The following ZNF385B variants were observed in gnomAD, a reference collection of about 807,000 sequenced individuals.
ZNF385B encodes zinc finger protein 385B.
Under a neutral mutation model 39.2 loss-of-function variants are expected in ZNF385B, and 23 were observed. The observed-to-expected ratio is 0.59, with a 90% CI of 0.42 to 0.83. ZNF385B has a LOEUF of 0.83. Ranked by LOEUF, ZNF385B falls within the 40% of genes least tolerant of loss-of-function variation. The pLI, the probability that ZNF385B is intolerant of heterozygous loss-of-function variation, is 0.00. For missense variants in ZNF385B, 552 were observed against 598.9 expected (o/e 0.92, Z 0.82); for synonymous variants, 205 against 222.6 (o/e 0.92, Z 0.70).
intron 3 of ZNF385B, among the ~76,000 whole-genome samples, chr2:179,572,644 G>A (rs1685356875): frequency 1.3e-5 from 2 of 152,178 alleles, no homozygotes; most frequent in South Asian, 4.1e-4. Context: ...AGCTTGGGTA[G>A]ATGGAAGGGC....
intron 6 of ZNF385B, among the ~76,000 whole-genome samples, chr2:179,460,039 G>T (rs1462168235): frequency 6.6e-6 from 1 of 152,060 alleles, no homozygotes; most frequent in Non-Finnish European, 1.5e-5. Context: ...GGGAGGCAGA[G>T]GTTGCGGTGA....
At position 179,823,162 on chromosome 2, in the gene ZNF385B, AG is replaced by A. The variant is rs770567298; in HGVS notation, c.-155+37938del. 3.9e-5 allele frequency among the ~76,000 whole-genome samples: 6 copies of A among 152,290 alleles called. No individual in the cohort carries two copies. The South Asian group carries it at 6.2e-4, about 16-fold the overall frequency. Reference sequence around the variant, plus strand: ...TTCCATGAGTGAGATAAAGCAGTTGAGGTGATAAAAAGTGAGACCTACTCTT... The same window carrying A: ...TTCCATGAGTGAGATAAAGCAGTTGAGTGATAAAAAGTGAGACCTACTCTT... On this transcript the variant is annotated intron_variant, in intron 1 of 9. Coordinates refer to ENST00000410066, the MANE Select transcript of ZNF385B (RefSeq NM_152520.6).
Position 179,618,033 on chromosome 2 carries a change from G to C in ZNF385B, c.299-73064C>G, listed in dbSNP as rs77363639. 7.3e-3 allele frequency among the ~76,000 whole-genome samples: 1,117 copies of C among 152,162 alleles called. 10 individuals are homozygous for C. The highest frequency in any genetic ancestry group is 0.026 in the African/African-American group (1,073 of 41,520). On this transcript the variant is annotated intron_variant, in intron 3 of 9. Coordinates refer to ENST00000410066, the MANE Select transcript of ZNF385B (RefSeq NM_152520.6). Reference sequence around the variant, plus strand: ...CTCATGTCTGCCAATTGTAGCCTGAGAAAGAGGGAACAAAAGAAACATGTG... The same window carrying C: ...CTCATGTCTGCCAATTGTAGCCTGACAAAGAGGGAACAAAAGAAACATGTG...
At chr2:179,676,568 T>G (rs1376311262) in intron 3 of ZNF385B, among the ~76,000 whole-genome samples, 3 of 152,182 alleles carry the variant, frequency 2.0e-5, no homozygotes, top group Non-Finnish European at 2.9e-5. Context: ...AAGATCATTC[T>G]GGCTACAATA....
chr2:179,769,660 A>G lies in ZNF385B; in HGVS notation c.141T>C (p.Leu47=), dbSNP rs150751979. The change falls in exon 3 of 10, where the codon CTT becomes CTC. Residue 47 remains leucine (L), a synonymous_variant. Coordinates refer to ENST00000410066, the MANE Select transcript of ZNF385B (RefSeq NM_152520.6). ...TGTTGCACACCTCACAGAAGGAGAA[A>G]AGAATTTTCTTTTTCTCTTTGCTCA... ...DQLSKEKKKI[L]FSFCEVCNIQ... 3.1e-6 allele frequency: 5 copies of G among 1,614,120 alleles called. 1 individual carries two copies. The South Asian group carries it at 5.5e-5, about 18-fold the overall frequency.
intron 6 of ZNF385B, among the ~76,000 whole-genome samples, chr2:179,478,564 A>G (rs1354710887): frequency 2.0e-5 from 3 of 152,186 alleles, no homozygotes; most frequent in Non-Finnish European, 2.9e-5. Context: ...TCTTAATTGC[A>G]TTTATAAATA....
chr2:179,858,519 ATAATC>A (rs1684776249), intron 1 of ZNF385B, among the ~76,000 whole-genome samples: 2 of 152,186 alleles, frequency 1.3e-5, no homozygotes, highest in African/African-American at 4.8e-5. Flanking sequence ...GAGATAACCT[ATAATC>A]TATAAAACCA....
intron 1 of ZNF385B, among the ~76,000 whole-genome samples, chr2:179,853,240 C>T (rs1178993772): frequency 2.0e-5 from 3 of 152,266 alleles, no homozygotes; most frequent in Middle Eastern, 3.4e-3. Context: ...AAAGACTGTC[C>T]TTAAATGAGT....
intron 5 of ZNF385B, among the ~76,000 whole-genome samples, chr2:179,507,951 T>C (rs542657610): frequency 1.3e-5 from 2 of 152,316 alleles, no homozygotes; most frequent in Admixed American, 6.5e-5. Context: ...CTAAAGTTCA[T>C]GGCTTCCAGG....
chr2:179,837,966 A>C lies in ZNF385B; in HGVS notation c.-155+23135T>G, dbSNP rs993135661. Among the ~76,000 whole-genome samples, 10 of 152,338 alleles carry C rather than the reference A, an allele frequency of 6.6e-5. No homozygotes were observed. The East Asian group carries it at 1.7e-3, about 26-fold the overall frequency. ...CATTATAATTGAAATTTTATCTTTT[A>C]ACTTTAATACTACTTCAGAATCACA... On this transcript the variant is annotated intron_variant, in intron 1 of 9. Coordinates refer to ENST00000410066, the MANE Select transcript of ZNF385B (RefSeq NM_152520.6).
At chr2:179,471,347 C>T (rs1026541224) in intron 6 of ZNF385B, among the ~76,000 whole-genome samples, 2 of 152,142 alleles carry the variant, frequency 1.3e-5, no homozygotes, top group Non-Finnish European at 2.9e-5. Flanking sequence ...AAAAATAACT[C>T]ATAATCTTGT....
chr2:179,690,868 G>T (rs1323020321), intron 3 of ZNF385B, among the ~76,000 whole-genome samples: 1 of 152,178 alleles, frequency 6.6e-6, no homozygotes, highest in Non-Finnish European at 1.5e-5. Flanking sequence ...ACAAGTCTCA[G>T]TTTAAGAATT....
At chr2:179,833,568 T>A (rs1416564574) in intron 1 of ZNF385B, among the ~76,000 whole-genome samples, 1 of 152,176 alleles carries the variant, frequency 6.6e-6, no homozygotes, top group African/African-American at 2.4e-5. Flanking sequence ...GATAAAGCTG[T>A]CCTATTCACT....
chr2:179,697,466 G>A (rs1698853459), intron 3 of ZNF385B, among the ~76,000 whole-genome samples: 1 of 152,146 alleles, frequency 6.6e-6, no homozygotes, highest in Non-Finnish European at 1.5e-5. Context: ...CTTCCACTGT[G>A]ATTGTGAGTT....
chr2:179,709,006 C>T (rs1244757159), intron 3 of ZNF385B, among the ~76,000 whole-genome samples: 3 of 152,284 alleles, frequency 2.0e-5, no homozygotes, highest in Admixed American at 6.5e-5. Context: ...ATAAGAGAGG[C>T]GTTTGGCACA....
intron 3 of ZNF385B, among the ~76,000 whole-genome samples, chr2:179,615,964 G>C (rs1399109108): frequency 1.3e-5 from 2 of 152,104 alleles, no homozygotes; most frequent in African/African-American, 4.8e-5. Context: ...TTTATAATCA[G>C]AAAACAATAA....
At chr2:179,855,757 A>G (rs923760495) in intron 1 of ZNF385B, among the ~76,000 whole-genome samples, 1 of 152,224 alleles carries the variant, frequency 6.6e-6, no homozygotes, top group Non-Finnish European at 1.5e-5. Context: ...AAGTTTTAAT[A>G]GTATGATTAT....
intron 3 of ZNF385B, among the ~76,000 whole-genome samples, chr2:179,700,402 T>C (rs1699099471): frequency 6.6e-6 from 1 of 152,214 alleles, no homozygotes; most frequent in Non-Finnish European, 1.5e-5. Flanking sequence ...CTCTAGGTTT[T>C]GCATCCTTAT....
intron 3 of ZNF385B, among the ~76,000 whole-genome samples, chr2:179,553,034 T>C (rs1157226553): frequency 6.7e-6 from 1 of 149,084 alleles, no homozygotes; most frequent in African/African-American, 2.5e-5. Flanking sequence ...GGAGCCAGAA[T>C]TACAACCCAG....
Sources: allele counts gnomAD v4.1 joint callset (sites outside exome capture counted in the v4.1 genomes callset), GRCh38; gene constraint gnomAD v4.1.1; transcripts MANE v1.5; gene names NCBI Gene and HGNC (gene_info 2026-07-23, HGNC 2026-07-21).